The following AP3S1 variants were observed in gnomAD, a reference collection of about 807,000 sequenced individuals.
The protein encoded by AP3S1 is AP-3 complex subunit sigma-1.
AP3S1 carries 12 observed loss-of-function variants against 21.3 expected under a neutral mutation model. That is an observed-to-expected ratio of 0.56 (90% CI 0.36 to 0.91). The LOEUF (loss-of-function observed/expected upper bound fraction) is 0.91, where lower values mean the gene tolerates loss of function less well. AP3S1 is among the 40% of genes least tolerant of loss of function. The probability of loss-of-function intolerance (pLI) is 0.01; values close to 1 mark genes in which losing one functional copy is unlikely to be tolerated. For missense variants in AP3S1, 116 were observed against 225.0 expected (o/e 0.52, Z 3.10); for synonymous variants, 48 against 78.4 (o/e 0.61, Z 2.05).
intron 3 of AP3S1, among the ~76,000 whole-genome samples, chr5:115,871,820 C>T (rs1748278714): frequency 6.6e-6 from 1 of 152,184 alleles, no homozygotes. Context: ...TAGATGACTA[C>T]TCATACAGTC....
intron 2 of AP3S1, 31 bp from the exon 3 acceptor site, chr5:115,869,986 C>A (rs367995186): frequency 7.3e-7 from 1 of 1,368,992 alleles, no homozygotes; most frequent in South Asian, 1.3e-5. Context: ...CATTTTGTTT[C>A]CAATAACATT....
At chr5:115,911,042 GT>G (rs989479887) in intron 5 of AP3S1, among the ~76,000 whole-genome samples, 1 of 151,894 alleles carries the variant, frequency 6.6e-6, no homozygotes, top group African/African-American at 2.4e-5. Context: ...ACTTCTTTTG[GT>G]TTTACATATT....
intron 1 of AP3S1, among the ~76,000 whole-genome samples, chr5:115,856,429 C>A (rs1762805598): frequency 7.3e-6 from 1 of 137,442 alleles, no homozygotes; most frequent in South Asian, 2.4e-4. Context: ...ATACATCCAG[C>A]ATCTTTTTTT....
rs1454046532 is a variant in AP3S1, at chr5:115,883,087, G to A, written c.274-12000G>A. Among the ~76,000 whole-genome samples the A allele has an allele frequency of 2.6e-5, 4 of 152,208 alleles. No homozygotes were observed. The East Asian group carries it at 7.7e-4, about 29-fold the overall frequency. On this transcript the variant is annotated intron_variant, in intron 3 of 5. Transcript: ENST00000316788. ...CAGCATCCCAGGTTGACTTCAGACT[G>A]CTGTGCTGGCAGCAAATATTCAAGC...
At chr5:115,882,466 G>T (rs1217047563) in intron 3 of AP3S1, among the ~76,000 whole-genome samples, 3 of 152,148 alleles carry the variant, frequency 2.0e-5, no homozygotes, top group African/African-American at 7.2e-5. Context: ...CTCTGCTGCA[G>T]GTCTTCTGGA....
At chr5:115,880,789 T>C (rs1749207758) in intron 3 of AP3S1, among the ~76,000 whole-genome samples, 1 of 152,160 alleles carries the variant, frequency 6.6e-6, no homozygotes, top group Non-Finnish European at 1.5e-5. Context: ...TGTCTAATAT[T>C]GACAATGGGG....
chr5:115,895,211 A>G lies in AP3S1; in HGVS notation c.345+53A>G, dbSNP rs1453439239. The G allele has an allele frequency of 7.3e-6, 9 of 1,237,550 alleles. No individual in the cohort carries two copies. The African/African-American group carries it at 7.6e-5, about 10-fold the overall frequency. 76.7% of individuals were successfully genotyped at this position (1,237,550 alleles called of 1,614,324 possible). A position where few individuals can be genotyped will look rare whatever the true frequency, so the allele number is the denominator to read the frequency against. ...TTTTTAAGAAAAACATTAACTTATA[A>G]TTGTCATAGCAAAAATGGCTTTAAT... On this transcript the variant is annotated intron_variant, in intron 4 of 5. Coordinates refer to ENST00000316788, the MANE Select transcript of AP3S1 (RefSeq NM_001284.4).
At chr5:115,861,336 G>A (rs895950582) in intron 1 of AP3S1, among the ~76,000 whole-genome samples, 1 of 152,146 alleles carries the variant, frequency 6.6e-6, no homozygotes, top group African/African-American at 2.4e-5. Flanking sequence ...AAGGGGAGAA[G>A]AAAGAGATGA....
intron 5 of AP3S1, among the ~76,000 whole-genome samples, chr5:115,911,457 C>G (rs886481109): frequency 3.3e-5 from 5 of 151,136 alleles, no homozygotes; most frequent in African/African-American, 1.2e-4. Flanking sequence ...CATTATTTGT[C>G]TTCTTTATGG....
chr5:115,901,392 C>CTTTTTTTTTTTTTTTTT (rs35793318), intron 4 of AP3S1, among the ~76,000 whole-genome samples: 6 of 111,656 alleles, frequency 5.4e-5, no homozygotes, highest in Non-Finnish European at 7.6e-5. Flanking sequence ...TGCCTATATT[C>CTTTTTTTTTTTTTTTTT]TTTTTTTTTT....
At chr5:115,871,993 T>G (rs1748302715) in intron 3 of AP3S1, among the ~76,000 whole-genome samples, 1 of 152,176 alleles carries the variant, frequency 6.6e-6, no homozygotes, top group Admixed American at 6.5e-5. Context: ...TAACAAATTC[T>G]TAGCACTGTG....
At chr5:115,898,295 A>G (rs1174061468) in intron 4 of AP3S1, among the ~76,000 whole-genome samples, 1 of 152,240 alleles carries the variant, frequency 6.6e-6, no homozygotes, top group Non-Finnish European at 1.5e-5. Context: ...CTATGTGGCC[A>G]GCTGCCCAAC....
At chr5:115,909,537 G>C (rs1751928555) in intron 5 of AP3S1, among the ~76,000 whole-genome samples, 1 of 152,010 alleles carries the variant, frequency 6.6e-6, no homozygotes, top group Non-Finnish European at 1.5e-5. Flanking sequence ...CTTTCATCCA[G>C]TTCATATTCT....
At chr5:115,869,971 A>G in intron 2 of AP3S1, 46 bp from the exon 3 acceptor site, 1 of 1,221,010 alleles carries the variant, frequency 8.2e-7, no homozygotes. Context: ...AATGAAAATG[A>G]TTCGCATTTT....
At chr5:115,845,827 A>T in intron 1 of AP3S1, among the ~76,000 whole-genome samples, 1 of 117,616 alleles carries the variant, frequency 8.5e-6, no homozygotes. Context: ...ACAGAGTGAG[A>T]CTCCATCTCA....
chr5:115,890,752 A>G (rs1397988968), intron 3 of AP3S1, among the ~76,000 whole-genome samples: 1 of 152,172 alleles, frequency 6.6e-6, no homozygotes, highest in Non-Finnish European at 1.5e-5. Context: ...TTAAAAGTAA[A>G]TATTTTCTTC....
intron 3 of AP3S1, among the ~76,000 whole-genome samples, chr5:115,884,264 G>T (rs972748124): frequency 2.6e-5 from 4 of 152,002 alleles, no homozygotes; most frequent in East Asian, 1.9e-4. Flanking sequence ...CATATATTAT[G>T]GTTACTCTTA....
intron 3 of AP3S1, among the ~76,000 whole-genome samples, chr5:115,881,790 G>A (rs995280568): frequency 6.6e-6 from 1 of 152,128 alleles, no homozygotes; most frequent in South Asian, 2.1e-4. Flanking sequence ...ATCCTGAAGG[G>A]TGTTTTCCAA....
At chr5:115,889,221 A>C (rs145793473) in intron 3 of AP3S1, among the ~76,000 whole-genome samples, 1,721 of 152,294 alleles carry the variant, frequency 0.011, 13 homozygotes, top group Non-Finnish European at 0.017. Context: ...TTTAGACAGC[A>C]TTTTTACCAA....
Sources: gnomAD v4.1 joint callset for allele counts (sites outside exome capture counted in the v4.1 genomes callset) on GRCh38, gnomAD v4.1.1 for gene constraint, MANE v1.5 for transcripts, NCBI Gene and HGNC (gene_info 2026-07-23, HGNC 2026-07-21) for gene names.